Variants in FGGY observed in about 807,000 individuals in gnomAD.
FGGY encodes the protein FGGY carbohydrate kinase domain containing, also known as FGGY carbohydrate kinase domain-containing protein.
A neutral mutation model predicts 71.3 loss-of-function variants in FGGY; 72 were observed. The observed-to-expected ratio is 1.01, with a 90% CI of 0.84 to 1.23. The LOEUF is 1.23. Among genes scored for constraint, FGGY ranks in the 50% most tolerant of loss-of-function variants. The pLI is 0.00. For synonymous variants in FGGY, 251 were observed against 250.3 expected, an observed-to-expected ratio of 1.00 and a Z score of -0.02; for missense variants, 668 against 682.3, an observed-to-expected ratio of 0.98 and a Z score of 0.23.
intron 4 of FGGY, among the ~76,000 whole-genome samples, chr1:59,371,747 A>C (rs955271716): frequency 2.0e-5 from 3 of 152,206 alleles, no homozygotes; most frequent in Non-Finnish European, 4.4e-5. Context: ...ACTCAGGATT[A>C]AGAAACTCAC....
chr1:59,590,587 A>G (rs975684651), intron 8 of FGGY, among the ~76,000 whole-genome samples: 2 of 152,146 alleles, frequency 1.3e-5, no homozygotes, highest in African/African-American at 4.8e-5. Context: ...AAGCTTATCC[A>G]CCATGATCAA....
intron 11 of FGGY, among the ~76,000 whole-genome samples, chr1:59,639,844 G>A (rs961252537): frequency 1.3e-5 from 2 of 152,160 alleles, no homozygotes; most frequent in East Asian, 3.9e-4. Context: ...TACCCAGCAT[G>A]TCAGGCTTCA....
chr1:59,464,673 A>G (rs1038347957), intron 6 of FGGY, among the ~76,000 whole-genome samples: 2 of 152,216 alleles, frequency 1.3e-5, no homozygotes, highest in African/African-American at 4.8e-5. Flanking sequence ...ATGCAATAAA[A>G]AATAATATAG....
chr1:59,531,874 A>G (rs1447585433), intron 7 of FGGY, among the ~76,000 whole-genome samples: 1 of 152,242 alleles, frequency 6.6e-6, no homozygotes, highest in East Asian at 1.9e-4. Flanking sequence ...AATTCAGATC[A>G]TCTATCCCTA....
intron 6 of FGGY, among the ~76,000 whole-genome samples, chr1:59,496,788 A>G (rs1413313565): frequency 1.3e-5 from 2 of 152,212 alleles, no homozygotes; most frequent in Non-Finnish European, 2.9e-5. Context: ...TTCATATGTG[A>G]TATTTCCTTA....
At chr1:59,555,283 G>A (rs2095667603) in intron 8 of FGGY, among the ~76,000 whole-genome samples, 1 of 152,150 alleles carries the variant, frequency 6.6e-6, no homozygotes, top group Admixed American at 6.6e-5. Context: ...AGCAATATGC[G>A]AGGTATTCTT....
chr1:59,686,977 A>G (rs2097548756), intron 14 of FGGY, among the ~76,000 whole-genome samples: 1 of 152,238 alleles, frequency 6.6e-6, no homozygotes, highest in African/African-American at 2.4e-5. Context: ...GATGATATCT[A>G]TCATTACTAT....
chr1:59,667,820 A>C (rs1475115689), intron 13 of FGGY, among the ~76,000 whole-genome samples: 2 of 152,220 alleles, frequency 1.3e-5, no homozygotes, highest in Non-Finnish European at 2.9e-5. Context: ...AAACAGGCAT[A>C]TTAAAGATAG....
At chr1:59,657,391 G>A (rs1466104094) in intron 11 of FGGY, among the ~76,000 whole-genome samples, 1 of 152,186 alleles carries the variant, frequency 6.6e-6, no homozygotes, top group Admixed American at 6.5e-5. Context: ...CTAAGCCATG[G>A]CCCAGCAACT....
At chr1:59,325,136 G>A (rs1294602714) in intron 2 of FGGY, among the ~76,000 whole-genome samples, 1 of 152,056 alleles carries the variant, frequency 6.6e-6, no homozygotes, top group Non-Finnish European at 1.5e-5. Context: ...GGCGGATCAC[G>A]AGGTCAGGAG....
At chr1:59,369,475 TG>T (rs1309294049) in intron 4 of FGGY, among the ~76,000 whole-genome samples, 2 of 152,212 alleles carry the variant, frequency 1.3e-5, no homozygotes, top group East Asian at 3.9e-4. Context: ...GCTCCACCTC[TG>T]GGGGCAGGGC....
intron 9 of FGGY, among the ~76,000 whole-genome samples, chr1:59,619,680 T>C (rs1055217562): frequency 2.0e-5 from 3 of 151,998 alleles, no homozygotes; most frequent in East Asian, 1.9e-4. Flanking sequence ...GGGTCTACAT[T>C]ATTGGCCACA....
intron 5 of FGGY, among the ~76,000 whole-genome samples, chr1:59,456,288 A>C (rs2091683028): frequency 6.6e-6 from 1 of 152,208 alleles, no homozygotes. Flanking sequence ...TGTTAACATA[A>C]CCACAACTAC....
At chr1:59,488,041 G>A (rs1371458125) in intron 6 of FGGY, among the ~76,000 whole-genome samples, 1 of 152,094 alleles carries the variant, frequency 6.6e-6, no homozygotes, top group African/African-American at 2.4e-5. Context: ...TTTTAACGCA[G>A]TTGAAACCAT....
chr1:59,323,851 T>G (rs1386066335), intron 2 of FGGY, among the ~76,000 whole-genome samples: 1 of 152,104 alleles, frequency 6.6e-6, no homozygotes, highest in East Asian at 1.9e-4. Context: ...TGACAGAAAA[T>G]GAGCAGATTA....
At chr1:59,642,485 C>T (rs929326771) in intron 11 of FGGY, among the ~76,000 whole-genome samples, 4 of 151,900 alleles carry the variant, frequency 2.6e-5, no homozygotes, top group East Asian at 2.0e-4. Context: ...ATTAGCTGGG[C>T]GTGGTGGTGG....
chr1:59,739,077 C>T (rs2098127380), intron 14 of FGGY, among the ~76,000 whole-genome samples: 1 of 152,216 alleles, frequency 6.6e-6, no homozygotes, highest in Non-Finnish European at 1.5e-5. Flanking sequence ...GAAAACTTAA[C>T]TTCACCTTTA....
intron 6 of FGGY, among the ~76,000 whole-genome samples, chr1:59,461,479 C>G (rs1051572688): frequency 1.3e-5 from 2 of 152,184 alleles, no homozygotes; most frequent in African/African-American, 2.4e-5. Flanking sequence ...AGAATGGAAA[C>G]AAGCTGGAAA....
At chr1:59,691,389 C>T (rs2097585202) in intron 14 of FGGY, among the ~76,000 whole-genome samples, 1 of 152,128 alleles carries the variant, frequency 6.6e-6, no homozygotes. Context: ...GGTGTCAGCT[C>T]AGCCTGATAA....
Sources: gnomAD v4.1 joint callset for allele counts (sites outside exome capture counted in the v4.1 genomes callset) on GRCh38, gnomAD v4.1.1 for gene constraint, MANE v1.5 for transcripts, NCBI Gene and HGNC (gene_info 2026-07-23, HGNC 2026-07-21) for gene names.